TANGO6: variants seen among roughly 807,000 people sequenced by gnomAD.
TANGO6 encodes transport and golgi organization 6 homolog.
TANGO6 carries 90 observed loss-of-function variants against 114.2 expected under a neutral mutation model. The ratio of observed to expected loss-of-function variants is 0.79; its 90% confidence interval spans 0.66 to 0.94. TANGO6 has a LOEUF of 0.94. TANGO6 is among the 40% of genes least tolerant of loss of function. The pLI, the probability that TANGO6 is intolerant of heterozygous loss-of-function variation, is 0.00. For synonymous variants in TANGO6, 477 were observed against 509.8 expected (o/e 0.94, Z 0.87); for missense variants, 1,274 against 1,315.3 (o/e 0.97, Z 0.49).
chr16:68,860,049 C>A lies in TANGO6; in HGVS notation c.260C>A (p.Ser87Tyr), dbSNP rs759298696. ...IADKAEWPQNSVDVTWSFTSQ... is the reference protein window; with the variant it reads ...IADKAEWPQNYVDVTWSFTSQ... ...GATAAGGCAGAATGGCCACAAAACT[C>A]TGTGGATGTCACTTGGAGTTTTACC... is the stretch of plus-strand genomic sequence containing the variant. The change falls in exon 2 of 18, where the codon TCT (serine) becomes TAT (tyrosine). Residue 87 changes from serine (S) to tyrosine (Y), a missense_variant. Physicochemically the swap from Ser to Tyr is moderately radical, Grantham distance 144. This residue lies in a region of TANGO6 where 114 missense variants were observed against 104.6 expected (regional missense o/e 1.09). Transcript: ENST00000261778. The A allele has an allele frequency of 1.3e-5, 21 of 1,613,908 alleles. No individual in the cohort carries two copies. Among genetic ancestry groups the A allele is most frequent in the Non-Finnish European group, 1.7e-5 (20 of 1,179,916 alleles).
intron 16 of TANGO6, among the ~76,000 whole-genome samples, chr16:69,025,057 C>G (rs1959476510): frequency 6.6e-6 from 1 of 152,230 alleles, no homozygotes; most frequent in East Asian, 1.9e-4. Flanking sequence ...ATCCTCCTGC[C>G]TCGGCCTCCC....
chr16:68,893,855 G>T (rs1962666899), intron 7 of TANGO6, among the ~76,000 whole-genome samples: 1 of 150,902 alleles, frequency 6.6e-6, no homozygotes. Flanking sequence ...CACGTGATCA[G>T]GGAAGACCTG....
chr16:69,070,404 G>A (rs1020273950), intron 17 of TANGO6, among the ~76,000 whole-genome samples: 6 of 151,898 alleles, frequency 4.0e-5, no homozygotes, highest in South Asian at 2.1e-4. Flanking sequence ...AGGCCGAAGC[G>A]GGGGGATCAC....
rs1959509904 is a variant in TANGO6, at chr16:69,026,855, A to AT, written c.2994+3880dup. 2.0e-5 allele frequency among the ~76,000 whole-genome samples: 3 copies of AT among 151,870 alleles called. No homozygotes were observed. In the South Asian group the frequency reaches 6.2e-4, roughly 32 times the overall value. On this transcript the variant is annotated intron_variant, in intron 16 of 17. Coordinates refer to ENST00000261778, the MANE Select transcript of TANGO6 (RefSeq NM_024562.2). ...CTGAAGAATGACCTACTGAGGGGGAATTTTCCCTTCTTTTTTTTATTTTTT... is the reference window on the plus strand; with the variant it reads ...CTGAAGAATGACCTACTGAGGGGGAATTTTTCCCTTCTTTTTTTTATTTTTT...
intron 4 of TANGO6, among the ~76,000 whole-genome samples, chr16:68,870,993 G>A (rs944013037): frequency 4.0e-5 from 6 of 149,470 alleles, no homozygotes; most frequent in East Asian, 3.9e-4. Flanking sequence ...GTTTCACTGC[G>A]TTGGCCAGGC....
chr16:69,050,760 T>G (rs1029590775), intron 17 of TANGO6, among the ~76,000 whole-genome samples: 57 of 152,068 alleles, frequency 3.7e-4, no homozygotes, highest in African/African-American at 1.1e-3. Flanking sequence ...AGTGCTGGGA[T>G]TACAGGCTTG....
chr16:68,916,969 T>C (rs185951588), intron 11 of TANGO6, among the ~76,000 whole-genome samples: 4 of 152,308 alleles, frequency 2.6e-5, no homozygotes, highest in Admixed American at 2.6e-4. Flanking sequence ...GTACAGCCTA[T>C]GGATTTGGAC....
chr16:68,850,128 C>G (rs1378093496), intron 1 of TANGO6, among the ~76,000 whole-genome samples: 1 of 151,920 alleles, frequency 6.6e-6, no homozygotes, highest in East Asian at 1.9e-4. Flanking sequence ...CATGTGCCAC[C>G]AAGCCCGGCT....
In TANGO6 at chr16:69,063,230, A is replaced by G. The variant is rs1029978742; in HGVS notation, c.3109-20255A>G. ...AGAGCCAGACTTCGTCTGAAAAAAAAAAAAAAACACTGGGGCCGGGCGCGG... is the reference window on the plus strand; with the variant it reads ...AGAGCCAGACTTCGTCTGAAAAAAAGAAAAAAACACTGGGGCCGGGCGCGG... On this transcript the variant is annotated intron_variant, in intron 17 of 17. Transcript: ENST00000261778. Among the ~76,000 whole-genome samples, 189 of 151,866 alleles carry G rather than the reference A, an allele frequency of 1.2e-3. 1 individual carries two copies. The highest frequency in any genetic ancestry group is 2.3e-3 in the Non-Finnish European group (158 of 67,900).
chr16:69,000,283 G>T (rs918582120), intron 15 of TANGO6, among the ~76,000 whole-genome samples: 6 of 151,920 alleles, frequency 3.9e-5, no homozygotes, highest in Admixed American at 2.0e-4. Flanking sequence ...GTCATTTTTT[G>T]ACTTCAGGGG....
At chr16:68,901,997 A>G (rs540379978) in intron 8 of TANGO6, among the ~76,000 whole-genome samples, 2 of 149,930 alleles carry the variant, frequency 1.3e-5, no homozygotes, top group Admixed American at 1.4e-4. Context: ...TTATCCGTGT[A>G]TACTTTCTTT....
At chr16:68,922,463 G>C (rs987550047) in intron 12 of TANGO6, among the ~76,000 whole-genome samples, 2 of 152,148 alleles carry the variant, frequency 1.3e-5, no homozygotes, top group Non-Finnish European at 2.9e-5. Context: ...TTGAACCCAG[G>C]AGGGGGAGGT....
At chr16:68,978,031 A>G (rs1963782157) in intron 15 of TANGO6, among the ~76,000 whole-genome samples, 1 of 152,152 alleles carries the variant, frequency 6.6e-6, no homozygotes, top group Admixed American at 6.5e-5. Context: ...AGAAAGATGA[A>G]CTTTCTATAT....
chr16:69,075,011 G>A (rs1046355956), intron 17 of TANGO6, among the ~76,000 whole-genome samples: 3 of 151,856 alleles, frequency 2.0e-5, no homozygotes, highest in African/African-American at 4.8e-5. Flanking sequence ...ACTACGCCTG[G>A]CTAATTTTTT....
At chr16:69,067,976 A>G (rs1402575228) in intron 17 of TANGO6, among the ~76,000 whole-genome samples, 1 of 144,914 alleles carries the variant, frequency 6.9e-6, no homozygotes, top group East Asian at 2.0e-4. Context: ...CCCCATCTCT[A>G]CTAAAAATAC....
At chr16:68,961,058 G>T (rs896916955) in intron 14 of TANGO6, among the ~76,000 whole-genome samples, 1 of 152,138 alleles carries the variant, frequency 6.6e-6, no homozygotes, top group Non-Finnish European at 1.5e-5. Context: ...ACTAAACAAA[G>T]ATATCAACTA....
At chr16:69,010,460 A>G (rs1317172470) in intron 15 of TANGO6, among the ~76,000 whole-genome samples, 1 of 152,122 alleles carries the variant, frequency 6.6e-6, no homozygotes, top group Non-Finnish European at 1.5e-5. Flanking sequence ...GTTTCTGATC[A>G]TGTTCACCTC....
chr16:68,980,382 ATTC>A (rs1487889374), intron 15 of TANGO6, among the ~76,000 whole-genome samples: 5 of 33,282 alleles, frequency 1.5e-4, no homozygotes, highest in African/African-American at 5.0e-4. Flanking sequence ...TCTGTCTGTC[ATTC>A]TCTCTCTCTC....
At chr16:68,911,551 G>A (rs1962923177) in intron 11 of TANGO6, among the ~76,000 whole-genome samples, 1 of 151,862 alleles carries the variant, frequency 6.6e-6, no homozygotes, top group African/African-American at 2.4e-5. Context: ...CAAGTAGCTG[G>A]GATTACAGGC....
Sources: allele counts gnomAD v4.1 joint callset (sites outside exome capture counted in the v4.1 genomes callset), GRCh38; gene constraint gnomAD v4.1.1; regional missense constraint gnomAD v4.1.1; transcripts MANE v1.5; gene names NCBI Gene and HGNC (gene_info 2026-07-23, HGNC 2026-07-21).